Variants in LARGE1 observed in about 807,000 individuals in gnomAD.
LARGE1 encodes the protein LARGE xylosyl- and glucuronyltransferase 1.
In LARGE1, 43 loss-of-function variants were observed where a neutral mutation model predicts 87.6. That is an observed-to-expected ratio of 0.49 (90% CI 0.38 to 0.63). LARGE1 has a LOEUF of 0.63. Among genes scored for constraint, LARGE1 ranks in the 30% least tolerant of loss-of-function variants. The pLI is 0.00. For missense variants in LARGE1, 802 were observed against 1,000.2 expected, an observed-to-expected ratio of 0.80 and a Z score of 2.67; for synonymous variants, 434 against 394.6, an observed-to-expected ratio of 1.10 and a Z score of -1.18.
At chr22:33,281,662 AAAG>A (rs1930469078) in intron 13 of LARGE1, among the ~76,000 whole-genome samples, 1 of 152,208 alleles carries the variant, frequency 6.6e-6, no homozygotes, top group African/African-American at 2.4e-5. Context: ...TTCTTTCAGA[AAAG>A]AAGGAAGGCT....
At chr22:33,455,548 T>A (rs996290280) in intron 6 of LARGE1, among the ~76,000 whole-genome samples, 12 of 151,778 alleles carry the variant, frequency 7.9e-5, no homozygotes, top group Non-Finnish European at 8.8e-5. Context: ...AGGTCAGAAG[T>A]TCAAGACCAG....
rs115646436 is a variant in LARGE1 at position 33,542,729 on chromosome 22, T to C, written c.787+22119A>G. Among the ~76,000 whole-genome samples, 277 of 151,854 alleles carry C rather than the reference T, an allele frequency of 1.8e-3. 1 individual carries two copies. Among genetic ancestry groups the C allele is most frequent in the African/African-American group, 6.3e-3 (259 of 41,388 alleles). Reference sequence around the variant, plus strand: ...ACAGTGTGAATTTGCATCAGATCCATAGACCTGAAAGAGACACTGGGCCCA... The same window carrying C: ...ACAGTGTGAATTTGCATCAGATCCACAGACCTGAAAGAGACACTGGGCCCA... On this transcript the variant is annotated intron_variant, in intron 6 of 14. Coordinates refer to ENST00000397394, the MANE Select transcript of LARGE1 (RefSeq NM_133642.5).
intron 10 of LARGE1, among the ~76,000 whole-genome samples, chr22:33,333,180 C>T (rs186464674): frequency 3.3e-5 from 5 of 152,174 alleles, no homozygotes; most frequent in African/African-American, 1.2e-4. Flanking sequence ...CCACCAAGCT[C>T]GGCTATTTTT....
chr22:33,751,809 C>A (rs2084327517), intron 2 of LARGE1, among the ~76,000 whole-genome samples: 1 of 151,706 alleles, frequency 6.6e-6, no homozygotes, highest in Non-Finnish European at 1.5e-5. Context: ...GCTCTGTTGC[C>A]CAGTCTGGAG....
chr22:33,844,611 G>C (rs1484158314), intron 1 of LARGE1, among the ~76,000 whole-genome samples: 1 of 152,140 alleles, frequency 6.6e-6, no homozygotes, highest in Non-Finnish European at 1.5e-5. Flanking sequence ...AAAAACAGCT[G>C]CCATGGGGTC....
intron 7 of LARGE1, among the ~76,000 whole-genome samples, chr22:33,398,269 C>G (rs568594721): frequency 6.6e-6 from 1 of 151,984 alleles, no homozygotes; most frequent in Middle Eastern, 3.2e-3. Context: ...CATCTCTATC[C>G]CCAATGGCTT....
intron 6 of LARGE1, among the ~76,000 whole-genome samples, chr22:33,523,218 G>C (rs2071703649): frequency 6.6e-6 from 1 of 151,912 alleles, no homozygotes; most frequent in Admixed American, 6.6e-5. Context: ...TGGTCAGGCT[G>C]GTCTCGAACT....
chr22:33,245,769 C>T (rs1023420884), intron 11 of LARGE1, among the ~76,000 whole-genome samples: 4 of 152,032 alleles, frequency 2.6e-5, no homozygotes, highest in Admixed American at 6.6e-5. Context: ...ATTAGCCAGG[C>T]GTGGTGGTGC....
intron 10 of LARGE1, among the ~76,000 whole-genome samples, chr22:33,334,598 A>G (rs968454058): frequency 2.7e-4 from 41 of 152,272 alleles, no homozygotes; most frequent in African/African-American, 8.2e-4. Flanking sequence ...CGAAAGCCCT[A>G]TGGTGAGCCC....
intron 1 of LARGE1, among the ~76,000 whole-genome samples, chr22:33,845,091 T>C (rs1395327957): frequency 6.6e-6 from 1 of 152,096 alleles, no homozygotes; most frequent in Non-Finnish European, 1.5e-5. Context: ...TGCAAAGATC[T>C]AAAACACACA....
chr22:33,400,461 T>A (rs1237156077), intron 7 of LARGE1, among the ~76,000 whole-genome samples: 2 of 152,202 alleles, frequency 1.3e-5, no homozygotes, highest in African/African-American at 4.8e-5. Context: ...GCTGCAACTC[T>A]GAACAGAAGT....
intron 6 of LARGE1, among the ~76,000 whole-genome samples, chr22:33,540,305 T>G (rs1280903836): frequency 6.6e-6 from 1 of 152,150 alleles, no homozygotes; most frequent in Admixed American, 6.5e-5. Flanking sequence ...AGTCCCCCCC[T>G]GTGCTGTTTG....
chr22:33,779,582 C>T (rs1319516843), intron 1 of LARGE1, among the ~76,000 whole-genome samples: 2 of 151,944 alleles, frequency 1.3e-5, no homozygotes, highest in Admixed American at 6.6e-5. Flanking sequence ...GAGTTGGAGA[C>T]CAGCCTGTCC....
intron 2 of LARGE1, among the ~76,000 whole-genome samples, chr22:33,709,817 G>T (rs1043805616): frequency 1.5e-4 from 22 of 151,426 alleles, no homozygotes; most frequent in African/African-American, 4.8e-4. Context: ...GTACAGACGG[G>T]GGTTTTGCCA....
At chr22:33,077,503 T>C in the LARGE1 span, among the ~76,000 whole-genome samples, 2 of 152,198 alleles carry the variant, frequency 1.3e-5, no homozygotes, top group Non-Finnish European at 2.9e-5. Context: ...GGAGAGCAGA[T>C]TGGATATGAA....
Position 33,683,564 on chromosome 22 carries a change from GACAA to G in LARGE1, c.107-32900_107-32897del, listed in dbSNP as rs144997820. Among the ~76,000 whole-genome samples the G allele has an allele frequency of 4.5e-3, 687 of 152,192 alleles. 3 individuals carry two copies. Among genetic ancestry groups the G allele is most frequent in the African/African-American group, 0.015 (624 of 41,520 alleles). On this transcript the variant is annotated intron_variant, in intron 2 of 14. Transcript: ENST00000397394. ...GGATGGATGGACAGACGGAAGGACG[GACAA>G]ACAGACAGACAGATGATAGGTAGAG...
chr22:33,342,415 G>A (rs918509514), intron 9 of LARGE1, among the ~76,000 whole-genome samples: 12 of 152,140 alleles, frequency 7.9e-5, no homozygotes, highest in Non-Finnish European at 1.8e-4. Context: ...CTCCAAACAA[G>A]CCCATTTGAA....
chr22:33,386,377 C>G (rs1240258487), intron 7 of LARGE1, among the ~76,000 whole-genome samples: 1 of 148,850 alleles, frequency 6.7e-6, no homozygotes, highest in East Asian at 1.9e-4. Context: ...CACTTTGGAG[C>G]CATGGGACTC....
intron 3 of LARGE1, among the ~76,000 whole-genome samples, chr22:33,633,890 G>A (rs1360903873): frequency 6.6e-6 from 1 of 152,182 alleles, no homozygotes; most frequent in African/African-American, 2.4e-5. Flanking sequence ...CAGGGGCAAC[G>A]TAGTGTGCAA....
Sources: gnomAD v4.1 joint callset for allele counts (sites outside exome capture counted in the v4.1 genomes callset) on GRCh38, gnomAD v4.1.1 for gene constraint, MANE v1.5 for transcripts, NCBI Gene and HGNC (gene_info 2026-07-23, HGNC 2026-07-21) for gene names.